The following PPP2R5C variants were observed in gnomAD, a reference collection of about 807,000 sequenced individuals.
The protein encoded by PPP2R5C is serine/threonine-protein phosphatase 2A 56 kDa regulatory subunit gamma isoform.
PPP2R5C carries 7 observed loss-of-function variants against 68.9 expected under a neutral mutation model. The ratio of observed to expected loss-of-function variants is 0.10; its 90% CI spans 0.06 to 0.19. The LOEUF (loss-of-function observed/expected upper bound fraction) is 0.19, where lower values mean the gene tolerates loss of function less well. Among genes scored for constraint, PPP2R5C ranks in the 10% least tolerant of loss-of-function variants. PPP2R5C has a pLI of 1.00. For synonymous variants in PPP2R5C, 210 were observed against 222.2 expected (o/e 0.95, Z 0.49); for missense variants, 348 against 641.3 (o/e 0.54, Z 4.94).
At chr14:101,818,633 CAAA>C (rs34613639) in intron 1 of PPP2R5C, 312 of 126,402 alleles carry the variant, frequency 2.5e-3, no homozygotes, top group South Asian at 7.1e-3. Flanking sequence ...GACTCTGTCT[CAAA>C]AAAAAAAAAA....
chr14:101,784,960 G>A (rs2038021941), intron 2 of PPP2R5C, among the ~76,000 whole-genome samples: 1 of 152,170 alleles, frequency 6.6e-6, no homozygotes, highest in South Asian at 2.1e-4. Flanking sequence ...TGGCCTCTGT[G>A]GATGACAGGG....
At chr14:101,871,342 TGCCATTCTCCTGCCTCA>T (rs1384770157) in intron 2 of PPP2R5C, among the ~76,000 whole-genome samples, 1 of 151,890 alleles carries the variant, frequency 6.6e-6, no homozygotes, top group African/African-American at 2.4e-5. Flanking sequence ...CCCGGGTTCA[TGCCATTCTCCTGCCTCA>T]GCCTCCCCCA....
chr14:101,858,251 C>T (rs1219743012), intron 2 of PPP2R5C, among the ~76,000 whole-genome samples: 1 of 152,122 alleles, frequency 6.6e-6, no homozygotes, highest in African/African-American at 2.4e-5. Flanking sequence ...CCCACTCTAG[C>T]CCCAGAATCA....
Position 101,781,644 on chromosome 14 carries a change from A to G in PPP2R5C, c.94-4374A>G, listed in dbSNP as rs2140029103. Among the ~76,000 whole-genome samples the G allele has an allele frequency of 6.6e-6, 1 of 152,152 alleles. No individual in the cohort carries two copies. The highest frequency in any genetic ancestry group is 6.5e-5 in the Admixed American group (1 of 15,302). On this transcript the variant is annotated intron_variant, in intron 2 of 14. Transcript: ENST00000328724. This position sits in a 1 kb window ranked among gnomAD's most constrained non-coding sequence, Gnocchi z 6.4. Reference sequence around the variant, plus strand: ...GCCGGCCGCCTCCGGAGCCTCCGGCATGGGCCCCAGGCCGGGGTCCCGCCT... The same window carrying G: ...GCCGGCCGCCTCCGGAGCCTCCGGCGTGGGCCCCAGGCCGGGGTCCCGCCT...
intron 2 of PPP2R5C, among the ~76,000 whole-genome samples, chr14:101,772,660 G>T (rs1022860706): frequency 1.3e-5 from 2 of 152,006 alleles, no homozygotes; most frequent in Admixed American, 6.6e-5. Flanking sequence ...GCCGAGTGTG[G>T]TGGCATGCAC....
chr14:101,798,396 C>T (rs1177928449), intron 3 of PPP2R5C, among the ~76,000 whole-genome samples: 1 of 152,098 alleles, frequency 6.6e-6, no homozygotes, highest in African/African-American at 2.4e-5. Flanking sequence ...GAAATAAAAT[C>T]AGTAGGATGT....
rs956331922 is a variant in PPP2R5C, at chr14:101,890,125, G to T, written c.630-112G>T. On this transcript the variant is annotated intron_variant, in intron 5 of 13. Coordinates refer to ENST00000334743, the Ensembl canonical transcript of PPP2R5C. ...TGCTTGCTCACCACGAGCAGTGTTTGCACAAATAGATGCGCTTCTTGTTGC... is the reference window on the plus strand; with the variant it reads ...TGCTTGCTCACCACGAGCAGTGTTTTCACAAATAGATGCGCTTCTTGTTGC... 18 of 975,892 alleles carry T rather than the reference G, an allele frequency of 1.8e-5. No individual in the cohort carries two copies. In the East Asian group the frequency reaches 4.5e-4, roughly 25 times the overall value. The allele number at this position is 975,892 out of a possible 1,614,324, so 60.5% of individuals were successfully genotyped here. A position where few individuals can be genotyped will look rare whatever the true frequency, so the allele number is the denominator to read the frequency against.
intron 12 of PPP2R5C, chr14:101,914,654 C>T (rs1014178468): frequency 3.2e-5 from 5 of 158,010 alleles, no homozygotes; most frequent in African/African-American, 1.2e-4. Context: ...AAACGTGTGA[C>T]AGCACGTACC....
intron 1 of PPP2R5C, among the ~76,000 whole-genome samples, chr14:101,821,450 T>TA (rs2040060844): frequency 9.4e-6 from 1 of 106,208 alleles, no homozygotes; most frequent in Admixed American, 9.4e-5. Flanking sequence ...GGTGGGTGGG[T>TA]GGGTGTGTGT....
At chr14:101,922,657 A>G (rs1595568035) in intron 13 of PPP2R5C, among the ~76,000 whole-genome samples, 3 of 94,994 alleles carry the variant, frequency 3.2e-5, no homozygotes, top group Admixed American at 9.7e-5. Flanking sequence ...CTAGAAAAAG[A>G]AAAAAAAAAA....
At chr14:101,896,509 G>A (rs951215151) in intron 8 of PPP2R5C, among the ~76,000 whole-genome samples, 2 of 151,560 alleles carry the variant, frequency 1.3e-5, no homozygotes, top group African/African-American at 2.4e-5. Context: ...TGAGGCGGGT[G>A]AATCACTTGA....
At chr14:101,919,100 C>A (rs1677994) in intron 13 of PPP2R5C, among the ~76,000 whole-genome samples, 1,680 of 152,324 alleles carry the variant, frequency 0.011, 39 homozygotes, top group African/African-American at 0.038. Flanking sequence ...CTAGAAGATT[C>A]GGAATTAGCA....
At chr14:101,771,557 A>G (rs989525706) in intron 2 of PPP2R5C, among the ~76,000 whole-genome samples, 4 of 151,878 alleles carry the variant, frequency 2.6e-5, no homozygotes, top group Non-Finnish European at 5.9e-5. Context: ...GTGAAACCCT[A>G]TCTCTACTAA....
At chr14:101,838,042 G>T (rs1019371633) in intron 1 of PPP2R5C, among the ~76,000 whole-genome samples, 5 of 152,210 alleles carry the variant, frequency 3.3e-5, no homozygotes, top group Admixed American at 6.5e-5. Flanking sequence ...AATGTGTAAA[G>T]ATTGTTATTA....
intron 8 of PPP2R5C, among the ~76,000 whole-genome samples, chr14:101,896,742 A>G (rs1198228033): frequency 6.6e-6 from 1 of 152,002 alleles, no homozygotes; most frequent in Non-Finnish European, 1.5e-5. Context: ...TGAGTATCAA[A>G]GTAAGGAATG....
At chr14:101,814,912 A>T (rs1319716377) in intron 1 of PPP2R5C, among the ~76,000 whole-genome samples, 1 of 152,158 alleles carries the variant, frequency 6.6e-6, no homozygotes, top group Non-Finnish European at 1.5e-5. Context: ...TGAGCAGGAC[A>T]ATCCTAGTAT....
At chr14:101,871,095 G>T (rs762330608) in intron 2 of PPP2R5C, among the ~76,000 whole-genome samples, 1 of 151,952 alleles carries the variant, frequency 6.6e-6, no homozygotes, top group Non-Finnish European at 1.5e-5. Context: ...CCATTCCAGC[G>T]CTCTTCTGAC....
chr14:101,861,435 A>G (rs1299822681), intron 2 of PPP2R5C, among the ~76,000 whole-genome samples: 1 of 152,162 alleles, frequency 6.6e-6, no homozygotes, highest in Non-Finnish European at 1.5e-5. Context: ...TTTTCACTGT[A>G]TTGAAATTTG....
Position 101,762,039 on chromosome 14 carries a change from C to A in PPP2R5C, c.27+119C>A, listed in dbSNP as rs2036570153. On this transcript the variant is annotated intron_variant, in intron 1 of 14. Coordinates refer to the PPP2R5C transcript ENST00000328724. ...TCAGTTCCCCGCCTGACGCCGCGGG[C>A]TTCGCGTCCCCGAGGGCGGCCGAGC... 1.8e-5 allele frequency: 18 copies of A among 1,027,250 alleles called. No homozygotes were observed. The South Asian group carries it at 7.9e-4, about 45-fold the overall frequency. 63.6% of individuals were successfully genotyped at this position (1,027,250 alleles called of 1,614,324 possible). A position where few individuals can be genotyped will look rare whatever the true frequency, so the allele number is the denominator to read the frequency against.
Sources: gnomAD v4.1 joint callset for allele counts (sites outside exome capture counted in the v4.1 genomes callset) on GRCh38, gnomAD v4.1.1 for gene constraint, Gnocchi (gnomAD v3.1) non-coding constraint, MANE v1.5 for transcripts, NCBI Gene and HGNC (gene_info 2026-07-23, HGNC 2026-07-21) for gene names.